ZNF727: variants seen among roughly 807,000 people sequenced by gnomAD.
ZNF727 encodes zinc finger protein 727.
ZNF727 carries 11 observed loss-of-function variants against 11.5 expected under a neutral mutation model. The ratio of observed to expected loss-of-function variants is 0.95; its 90% confidence interval spans 0.60 to 1.58. ZNF727 has a LOEUF of 1.58. ZNF727 is among the 40% of genes most tolerant of loss of function. ZNF727 has a pLI of 0.00. For synonymous variants in ZNF727, 171 were observed against 196.1 expected (o/e 0.87, Z 1.07); for missense variants, 533 against 581.7 (o/e 0.92, Z 0.86).
intron 1 of ZNF727, among the ~76,000 whole-genome samples, chr7:64,059,641 A>T (rs1234305302): frequency 2.0e-5 from 3 of 152,168 alleles, no homozygotes; most frequent in Non-Finnish European, 4.4e-5. Flanking sequence ...CATGAGAACA[A>T]ATTGTACCCA....
intron 1 of ZNF727, among the ~76,000 whole-genome samples, chr7:64,063,321 C>T (rs1027002207): frequency 6.6e-6 from 1 of 152,110 alleles, no homozygotes; most frequent in African/African-American, 2.4e-5. Context: ...TCATTGCAGT[C>T]ATATCTGCAT....
intron 1 of ZNF727, among the ~76,000 whole-genome samples, chr7:64,065,732 C>G (rs1196936706): frequency 6.6e-6 from 1 of 151,986 alleles, no homozygotes; most frequent in Admixed American, 6.6e-5. Flanking sequence ...CTTGCCTAAT[C>G]AGTTTAACTC....
intron 1 of ZNF727, among the ~76,000 whole-genome samples, chr7:64,060,227 A>C (rs1435831116): frequency 6.6e-6 from 1 of 152,214 alleles, no homozygotes; most frequent in Non-Finnish European, 1.5e-5. Context: ...GATGCATATC[A>C]CATTCTGGTT....
rs541176873 is a variant in ZNF727, at chr7:64,080,629, C to T, written c.*2080C>T. Among the ~76,000 whole-genome samples the T allele has an allele frequency of 6.6e-6, 1 of 152,252 alleles. No individual in the cohort carries two copies. The highest frequency in any genetic ancestry group is 2.4e-5 in the African/African-American group (1 of 41,538). ...TTTGCTTCTACCCATATTCTGAATT[C>T]TGCTTCTGTCATCTTAGGCCTTGCT... On this transcript the variant is annotated 3_prime_UTR_variant, in exon 4 of 4. Transcript: ENST00000456806.
chr7:64,062,291 CAT>C (rs1373196716), intron 1 of ZNF727, among the ~76,000 whole-genome samples: 1 of 151,966 alleles, frequency 6.6e-6, no homozygotes, highest in Non-Finnish European at 1.5e-5. Context: ...TTTTGTCCCA[CAT>C]GTTTTCTTAT....
chr7:64,060,309 A>G (rs1466029148), intron 1 of ZNF727, among the ~76,000 whole-genome samples: 3 of 152,138 alleles, frequency 2.0e-5, no homozygotes, highest in Admixed American at 1.3e-4. Flanking sequence ...TTTTGTTTTT[A>G]ATTATGCTTT....
intron 1 of ZNF727, among the ~76,000 whole-genome samples, chr7:64,060,349 A>G (rs1789750350): frequency 6.6e-6 from 1 of 152,206 alleles, no homozygotes; most frequent in Non-Finnish European, 1.5e-5. Flanking sequence ...ACCAGACAGG[A>G]TATAAACACA....
chr7:64,076,727 GTTTCTA>G (rs1231991817), intron 3 of ZNF727, among the ~76,000 whole-genome samples: 1 of 152,154 alleles, frequency 6.6e-6, no homozygotes, highest in Non-Finnish European at 1.5e-5. Flanking sequence ...TTCTGTTCCA[GTTTCTA>G]TTTCTTTACT....
chr7:64,068,048 G>A (rs754991509), intron 1 of ZNF727, among the ~76,000 whole-genome samples: 7 of 151,774 alleles, frequency 4.6e-5, no homozygotes, highest in Non-Finnish European at 1.0e-4. Context: ...ACCCTTTTTT[G>A]TGTTAATGTT....
intron 3 of ZNF727, among the ~76,000 whole-genome samples, chr7:64,075,682 G>A (rs1275126948): frequency 6.6e-6 from 1 of 151,930 alleles, no homozygotes; most frequent in African/African-American, 2.4e-5. Flanking sequence ...CTAAATATTG[G>A]GTATACATGG....
intron 1 of ZNF727, among the ~76,000 whole-genome samples, chr7:64,061,455 T>C (rs1789768811): frequency 6.6e-6 from 1 of 151,910 alleles, no homozygotes; most frequent in Non-Finnish European, 1.5e-5. Flanking sequence ...GTTTTTTTTT[T>C]CTTGAAATCT....
chr7:64,083,075 C>G lies in ZNF727; in HGVS notation c.*4526C>G, dbSNP rs146726472. On this transcript the variant is annotated 3_prime_UTR_variant, in exon 4 of 4. Transcript: ENST00000456806. ...TGTATCCCAAAGAGGATTCAAAACT[C>G]CACTGATCAAAGAGCACCTGTGGTG... 1.8e-4 allele frequency among the ~76,000 whole-genome samples: 28 copies of G among 152,304 alleles called. No homozygotes were observed. The East Asian group carries it at 5.0e-3, about 27-fold the overall frequency.
chr7:64,072,337 A>AATCCTGTCT (rs1428714364), intron 3 of ZNF727, among the ~76,000 whole-genome samples: 1 of 151,932 alleles, frequency 6.6e-6, no homozygotes, highest in East Asian at 1.9e-4. Context: ...GGTAGTTGTT[A>AATCCTGTCT]ATCCTGTCTT....
At position 64,078,914 on chromosome 7, in the gene ZNF727, G is replaced by A. The variant is rs540007245; in HGVS notation, c.*365G>A. ...TGGAGAGAAACCCTACAAATGTAAT[G>A]AATGTGGAAAAGGTTTTATGTGGAT... On this transcript the variant is annotated 3_prime_UTR_variant, in exon 4 of 4. Transcript: ENST00000456806. Among the ~76,000 whole-genome samples the A allele has an allele frequency of 6.6e-6, 1 of 152,188 alleles. No individual in the cohort carries two copies. The highest frequency in any genetic ancestry group is 2.4e-5 in the African/African-American group (1 of 41,542).
intron 3 of ZNF727, among the ~76,000 whole-genome samples, chr7:64,071,275 G>C (rs1349424390): frequency 4.0e-5 from 6 of 151,748 alleles, no homozygotes; most frequent in Non-Finnish European, 8.8e-5. Flanking sequence ...GTCAACACTT[G>C]TTATAAATCT....
In ZNF727 at chr7:64,045,770, C is replaced by A; in HGVS notation, c.3+146C>A. On this transcript the variant is annotated intron_variant, in intron 1 of 3. Transcript: ENST00000456806. ...GCACAGTTCAGTCCTCACTTCCCTCCGTCGCAGATTAGGAGCTGAGCCTGC... is the reference window on the plus strand; with the variant it reads ...GCACAGTTCAGTCCTCACTTCCCTCAGTCGCAGATTAGGAGCTGAGCCTGC... 3.7e-6 allele frequency: 4 copies of A among 1,068,690 alleles called. No homozygotes were observed. The South Asian group carries it at 6.4e-5, about 17-fold the overall frequency. The allele number at this position is 1,068,690 out of a possible 1,614,324, so 66.2% of individuals were successfully genotyped here.
intron 1 of ZNF727, among the ~76,000 whole-genome samples, chr7:64,067,558 T>A (rs1789889489): frequency 1.3e-5 from 2 of 152,138 alleles, no homozygotes; most frequent in African/African-American, 4.8e-5. Flanking sequence ...TATGCAGCCA[T>A]AAAAAAGAAT....
Position 64,072,007 on chromosome 7 carries a change from GA to G in ZNF727, c.226+2401del, listed in dbSNP as rs1389318602. 2.0e-5 allele frequency among the ~76,000 whole-genome samples: 3 copies of G among 152,038 alleles called. No homozygotes were observed. In the East Asian group the frequency reaches 5.8e-4, roughly 29 times the overall value. ...AGCCTTCAAATGTAGTTTAAAATTA[GA>G]AAGTATAATGCCCCTAGCTTTGTTT... On this transcript the variant is annotated intron_variant, in intron 3 of 3. Coordinates refer to ENST00000456806, the MANE Select transcript of ZNF727 (RefSeq NM_001159522.3).
chr7:64,058,863 G>A (rs1167558945), intron 1 of ZNF727, among the ~76,000 whole-genome samples: 2 of 152,000 alleles, frequency 1.3e-5, no homozygotes, highest in African/African-American at 2.4e-5. Flanking sequence ...TGTTGTAAAC[G>A]GCTGAAGTGC....
Sources: allele counts gnomAD v4.1 joint callset (sites outside exome capture counted in the v4.1 genomes callset), GRCh38; gene constraint gnomAD v4.1.1; transcripts MANE v1.5; gene names NCBI Gene and HGNC (gene_info 2026-07-23, HGNC 2026-07-21).